Variants in ATP11A observed in about 807,000 individuals in gnomAD.
ATP11A encodes ATPase phospholipid transporting 11A, also known as phospholipid-transporting ATPase IH.
A neutral mutation model predicts 154.4 loss-of-function variants in ATP11A; 81 were observed. That is an observed-to-expected ratio of 0.52 (90% CI 0.44 to 0.63). The LOEUF is 0.63. Among genes scored for constraint, ATP11A ranks in the 30% least tolerant of loss-of-function variants. ATP11A has a pLI of 0.00. For missense variants in ATP11A, 1,316 were observed against 1,474.3 expected (o/e 0.89, Z 1.76); for synonymous variants, 623 against 585.9 (o/e 1.06, Z -0.91).
chr13:112,866,805 A>G (rs1225499343), intron 25 of ATP11A, among the ~76,000 whole-genome samples: 2 of 151,712 alleles, frequency 1.3e-5, no homozygotes, highest in South Asian at 2.1e-4. Flanking sequence ...TTTACTAAAC[A>G]CTGCTGTTAT....
chr13:112,724,517 C>T (rs992718578), intron 1 of ATP11A, among the ~76,000 whole-genome samples: 9 of 151,836 alleles, frequency 5.9e-5, no homozygotes, highest in African/African-American at 1.9e-4. Flanking sequence ...CGTGTATGTG[C>T]GGCAGCCAGG....
At chr13:112,820,063 G>A (rs1398233322) in intron 8 of ATP11A, 113 bp downstream of exon 8, 3 of 1,073,432 alleles carry the variant, frequency 2.8e-6, no homozygotes, top group Non-Finnish European at 3.9e-6. Flanking sequence ...TTTGGAAGGT[G>A]GAGTTCCGCT....
intron 1 of ATP11A, among the ~76,000 whole-genome samples, chr13:112,776,051 G>A (rs2077341129): frequency 6.6e-6 from 1 of 152,232 alleles, no homozygotes; most frequent in Non-Finnish European, 1.5e-5. Flanking sequence ...TGGAGTCCCT[G>A]GGAGCCCGTG....
intron 18 of ATP11A, 57 bp downstream of exon 18, chr13:112,851,275 C>G (rs1228784496): frequency 6.4e-7 from 1 of 1,561,996 alleles, no homozygotes; most frequent in East Asian, 2.3e-5. Flanking sequence ...AGGCCGACGG[C>G]CCAGGGCGTG....
intron 1 of ATP11A, among the ~76,000 whole-genome samples, chr13:112,772,673 C>T (rs115928889): frequency 6.6e-6 from 1 of 152,212 alleles, no homozygotes; most frequent in Admixed American, 6.5e-5. Flanking sequence ...CAGCCCTGGG[C>T]AGCTGCTAAT....
intron 1 of ATP11A, among the ~76,000 whole-genome samples, chr13:112,718,941 A>G (rs867132670): frequency 2.0e-4 from 31 of 152,288 alleles, no homozygotes; most frequent in Middle Eastern, 6.8e-3. Flanking sequence ...TGCCCTCCCA[A>G]AGTGCCGGGA....
chr13:112,827,790 G>A (rs975695054), intron 12 of ATP11A, among the ~76,000 whole-genome samples: 1 of 152,258 alleles, frequency 6.6e-6, no homozygotes, highest in African/African-American at 2.4e-5. Flanking sequence ...CAGATACAGA[G>A]GCCTCTCTCT....
intron 1 of ATP11A, among the ~76,000 whole-genome samples, chr13:112,757,224 C>G (rs184980060): frequency 4.6e-5 from 7 of 152,368 alleles, no homozygotes; most frequent in South Asian, 2.1e-4. Context: ...GGGAATAGAG[C>G]TGTGCTCATG....
intron 1 of ATP11A, among the ~76,000 whole-genome samples, chr13:112,763,102 C>T (rs981858795): frequency 3.3e-5 from 5 of 152,270 alleles, no homozygotes; most frequent in Non-Finnish European, 7.3e-5. Flanking sequence ...TAAAGATCTT[C>T]TTCCTTCGTG....
At chr13:112,791,480 A>T (rs2077855498) in intron 2 of ATP11A, among the ~76,000 whole-genome samples, 1 of 152,208 alleles carries the variant, frequency 6.6e-6, no homozygotes, top group African/African-American at 2.4e-5. Context: ...GCAGAGCTTG[A>T]TCCAGGCATT....
chr13:112,828,622 T>C (rs2079010246), intron 12 of ATP11A, among the ~76,000 whole-genome samples: 1 of 152,256 alleles, frequency 6.6e-6, no homozygotes. Flanking sequence ...CCCAGCAGCA[T>C]TGAGCACGGC....
In ATP11A at chr13:112,851,525, C is replaced by A. The variant is rs1594175018; in HGVS notation, c.1991+307C>A. 3 of 225,152 alleles carry A rather than the reference C, an allele frequency of 1.3e-5. No individual in the cohort carries two copies. The East Asian group carries it at 2.8e-4, about 21-fold the overall frequency. 13.9% of individuals were successfully genotyped at this position (225,152 alleles called of 1,614,324 possible). A position where few individuals can be genotyped will look rare whatever the true frequency, so the allele number is the denominator to read the frequency against. On this transcript the variant is annotated intron_variant, in intron 18 of 29. Transcript: ENST00000375645. ...ATAGAAGGGCTCTTACAAATTCTTT[C>A]TTCTTTTTTTTTAAGGGATGGCATC...
At chr13:112,776,094 G>A (rs1265953255) in intron 1 of ATP11A, among the ~76,000 whole-genome samples, 1 of 152,216 alleles carries the variant, frequency 6.6e-6, no homozygotes, top group Non-Finnish European at 1.5e-5. Flanking sequence ...GGAGTCCGTG[G>A]CTGCTGCTGC....
chr13:112,783,880 A>G (rs1043442160), intron 1 of ATP11A, among the ~76,000 whole-genome samples: 3 of 152,164 alleles, frequency 2.0e-5, no homozygotes, highest in Admixed American at 1.3e-4. Flanking sequence ...TCCTCCAAAT[A>G]CAGTGTTCCG....
At position 112,706,700 on chromosome 13, in the gene ATP11A, G is replaced by A. The variant is rs565316720; in HGVS notation, c.39+16245G>A. ...GTTATTTCTTCTCTAAATACAATGA[G>A]AATTTTTTTTGTTCTTATATTGAAA... On this transcript the variant is annotated intron_variant, in intron 1 of 29. Coordinates refer to ENST00000375645, the MANE Select transcript of ATP11A (RefSeq NM_015205.3). 6.2e-4 allele frequency among the ~76,000 whole-genome samples: 95 copies of A among 152,272 alleles called. No homozygotes were observed. The South Asian group carries it at 8.7e-3, about 14-fold the overall frequency.
intron 1 of ATP11A, among the ~76,000 whole-genome samples, chr13:112,765,697 T>G (rs1001365213): frequency 6.6e-6 from 1 of 152,240 alleles, no homozygotes; most frequent in African/African-American, 2.4e-5. Context: ...GAACAAAATA[T>G]CTCAGGTGCT....
rs760176735 is a variant in ATP11A at position 112,690,478 on chromosome 13, G to A, written c.39+23G>A. Reference sequence around the variant, plus strand: ...TACGTGAGTGCTCCCGGCGCGGGCTGGGGGACCCGGGGACCAGACAGACGC... The same window carrying A: ...TACGTGAGTGCTCCCGGCGCGGGCTAGGGGACCCGGGGACCAGACAGACGC... On this transcript the variant is annotated intron_variant, in intron 1 of 29. Transcript: ENST00000375645. The surrounding 1 kb of genome is among the most constrained non-coding windows in gnomAD (Gnocchi z 5.6). The A allele has an allele frequency of 4.5e-6, 6 of 1,328,644 alleles. No homozygotes were observed. Among genetic ancestry groups the A allele is most frequent in the Non-Finnish European group, 5.8e-6 (6 of 1,038,026 alleles). 82.3% of individuals were successfully genotyped at this position (1,328,644 alleles called of 1,614,324 possible).
chr13:112,842,517 G>T, intron 17 of ATP11A, 138 bp downstream of exon 17: 1 of 744,976 alleles, frequency 1.3e-6, no homozygotes, highest in Non-Finnish European at 2.2e-6. Context: ...CTGGGCCAGA[G>T]GCAGACAGAC....
chr13:112,806,343 A>G, intron 4 of ATP11A, 50 bp downstream of exon 4: 1 of 1,416,124 alleles, frequency 7.1e-7, no homozygotes, highest in Non-Finnish European at 9.9e-7. Flanking sequence ...TCACCATGTG[A>G]ATTGCCTTTC....
Sources: allele counts gnomAD v4.1 joint callset (sites outside exome capture counted in the v4.1 genomes callset), GRCh38; gene constraint gnomAD v4.1.1; non-coding constraint Gnocchi (gnomAD v3.1); transcripts MANE v1.5; gene names NCBI Gene and HGNC (gene_info 2026-07-23, HGNC 2026-07-21).